The following NIPAL1 variants were observed in gnomAD, a reference collection of about 807,000 sequenced individuals.
NIPAL1 encodes NIPA like domain containing 1, also known as magnesium transporter NIPA3.
NIPAL1 carries 35 observed loss-of-function variants against 37.7 expected under a neutral mutation model. That is an observed-to-expected ratio of 0.93 (90% CI 0.71 to 1.23). The LOEUF (loss-of-function observed/expected upper bound fraction) is 1.23, where lower values mean the gene tolerates loss of function less well. Ranked by LOEUF, NIPAL1 falls within the 50% of genes most tolerant of loss-of-function variation. The pLI, the probability that NIPAL1 is intolerant of heterozygous loss-of-function variation, is 0.00. For missense variants in NIPAL1, 412 were observed against 473.9 expected (o/e 0.87, Z 1.21); for synonymous variants, 162 against 183.0 (o/e 0.89, Z 0.93).
At chr4:48,024,998 T>G in intron 1 of NIPAL1, 70 bp from the exon 2 acceptor site, 1 of 1,390,602 alleles carries the variant, frequency 7.2e-7, no homozygotes, top group Non-Finnish European at 1.0e-6. Flanking sequence ...CTCTGTTTCC[T>G]GCAGAAAGCC....
chr4:48,019,959 C>T (rs1715535261), intron 1 of NIPAL1, among the ~76,000 whole-genome samples: 1 of 152,188 alleles, frequency 6.6e-6, no homozygotes, highest in Non-Finnish European at 1.5e-5. Flanking sequence ...TTGTTTAATC[C>T]TGTTTTAAAA....
intron 2 of NIPAL1, among the ~76,000 whole-genome samples, chr4:48,026,346 A>G (rs1715686257): frequency 6.6e-6 from 1 of 152,202 alleles, no homozygotes; most frequent in South Asian, 2.1e-4. Flanking sequence ...ATAAGATCTA[A>G]GCTTTTTTCT....
intron 1 of NIPAL1, among the ~76,000 whole-genome samples, chr4:48,021,620 A>G (rs901939701): frequency 6.6e-6 from 1 of 152,174 alleles, no homozygotes; most frequent in African/African-American, 2.4e-5. Flanking sequence ...TGTGATAGTT[A>G]TACAGTGGAA....
intron 3 of NIPAL1, 114 bp downstream of exon 3, chr4:48,030,290 A>C: frequency 1.5e-6 from 1 of 655,220 alleles, no homozygotes; most frequent in Non-Finnish European, 2.7e-6. Context: ...ATGGAATTTA[A>C]GTCTAAACAT....
Position 48,033,075 on chromosome 4 carries a change from T to C in NIPAL1, c.453T>C (p.Val151=), listed in dbSNP as rs1715857149. ...TCACCCCTCTGGGTGCTTTGAGTGTTCTCATAAGGTATGTGAGCAACAGGG... is the reference window on the plus strand; with the variant it reads ...TCACCCCTCTGGGTGCTTTGAGTGTCCTCATAAGGTATGTGAGCAACAGGG... The part of the protein sequence containing the change: ...TLVTPLGALS[V]LISAILSSYF... The change falls in exon 4 of 6, where the codon GTT becomes GTC. Residue 151 remains valine (V), a synonymous_variant. Coordinates refer to ENST00000295461, the MANE Select transcript of NIPAL1 (RefSeq NM_207330.3). 1 of 1,609,760 alleles carries C rather than the reference T, an allele frequency of 6.2e-7. No individual in the cohort carries two copies. Among genetic ancestry groups the C allele is most frequent in the Non-Finnish European group, 8.5e-7 (1 of 1,176,170 alleles).
chr4:48,018,305 G>T (rs574164113), intron 1 of NIPAL1, among the ~76,000 whole-genome samples: 41 of 152,282 alleles, frequency 2.7e-4, no homozygotes, highest in Non-Finnish European at 5.0e-4. Flanking sequence ...GAAGGTATAT[G>T]AATTACACCC....
chr4:48,017,507 C>T (rs1047762886), intron 1 of NIPAL1, among the ~76,000 whole-genome samples: 5 of 152,168 alleles, frequency 3.3e-5, no homozygotes, highest in Non-Finnish European at 5.9e-5. Flanking sequence ...CTGCTTAAGG[C>T]GAGAGCCGTA....
chr4:48,030,127 T>C lies in NIPAL1; in HGVS notation c.321T>C (p.Gly107=). The part of the protein sequence containing the change: ...ASKGFTRAGQ[G]GHSYLKEWLW... ...TTACTTTTTGTATTTTAGGACAAGG[T>C]GGACATTCTTACCTGAAGGAATGGC... The change falls in exon 3 of 6, where the codon GGT becomes GGC. Residue 107 remains glycine, a synonymous_variant. Transcript: ENST00000295461. The C allele has an allele frequency of 6.2e-7, 1 of 1,601,720 alleles. No homozygotes were observed. The highest frequency in any genetic ancestry group is 8.6e-7 in the Non-Finnish European group (1 of 1,169,178).
rs765468005 is a variant in NIPAL1, at chr4:48,036,112, G to A, written c.1173G>A (p.Leu391=). 2 of 1,610,570 alleles carry A rather than the reference G, an allele frequency of 1.2e-6. No homozygotes were observed. The highest frequency in any genetic ancestry group is 1.7e-6 in the Non-Finnish European group (2 of 1,179,048). Residue 391 remains leucine, a synonymous_variant, in exon 6 of 6, where the codon TTG becomes TTA. Transcript: ENST00000295461. ...NENNYVLLEN[L]ECSAPGYNDD... is the part of the protein sequence containing the mutation. ...ACAATTATGTTTTACTAGAGAACTT[G>A]GAGTGTTCAGCCCCAGGATACAATG...
chr4:48,018,571 A>G (rs945895327), intron 1 of NIPAL1, among the ~76,000 whole-genome samples: 24 of 152,220 alleles, frequency 1.6e-4, no homozygotes, highest in Admixed American at 1.4e-3. Flanking sequence ...TCATCCCTCC[A>G]GTTTACAGTT....
chr4:48,030,331 A>G (rs1715793402), intron 3 of NIPAL1, among the ~76,000 whole-genome samples, 155 bp downstream of exon 3: 1 of 152,022 alleles, frequency 6.6e-6, no homozygotes, highest in African/African-American at 2.4e-5. Flanking sequence ...TGTCCTATAT[A>G]TACTATTATA....
chr4:48,029,859 A>G (rs1715782253), intron 2 of NIPAL1, among the ~76,000 whole-genome samples: 1 of 151,072 alleles, frequency 6.6e-6, no homozygotes. Context: ...GGTTCGTGAG[A>G]GCATTATATT....
chr4:48,033,242 G>C (rs1389897589), intron 4 of NIPAL1, among the ~76,000 whole-genome samples, 159 bp downstream of exon 4: 3 of 152,194 alleles, frequency 2.0e-5, no homozygotes, highest in African/African-American at 2.4e-5. Flanking sequence ...TATTTCTGAG[G>C]CTCCTGGGAA....
At chr4:48,017,312 C>T (rs1426488420) in intron 1 of NIPAL1, among the ~76,000 whole-genome samples, 1 of 152,176 alleles carries the variant, frequency 6.6e-6, no homozygotes, top group Non-Finnish European at 1.5e-5. Context: ...CTGGGGGGCC[C>T]GTGGGAGTTC....
chr4:48,025,052 C>A lies in NIPAL1; in HGVS notation c.47-16C>A. The A allele has an allele frequency of 3.1e-6, 5 of 1,609,902 alleles. No homozygotes were observed. Among genetic ancestry groups the A allele is most frequent in the Non-Finnish European group, 3.4e-6 (4 of 1,177,178 alleles). The stretch of plus-strand genomic sequence containing the variant: ...TCCCTTTCATTCCTGACATTCTCTT[C>A]TTTCCTTTTTTCCAGGATATGTGCT... On this transcript the variant is annotated splice_polypyrimidine_tract_variant and intron_variant, in intron 1 of 5. Coordinates refer to ENST00000295461, the MANE Select transcript of NIPAL1 (RefSeq NM_207330.3).
intron 1 of NIPAL1, among the ~76,000 whole-genome samples, chr4:48,024,234 C>T (rs1043707301): frequency 7.9e-5 from 12 of 152,080 alleles, no homozygotes; most frequent in African/African-American, 2.9e-4. Context: ...CCGCCTTGGC[C>T]ACCCAAAGTG....
intron 2 of NIPAL1, among the ~76,000 whole-genome samples, chr4:48,029,020 G>T (rs1189067500): frequency 6.6e-6 from 1 of 152,118 alleles, no homozygotes; most frequent in East Asian, 1.9e-4. Flanking sequence ...ATCTCTCAGA[G>T]AACTAAAAAT....
chr4:48,026,723 T>A (rs2352414), intron 2 of NIPAL1, among the ~76,000 whole-genome samples: 102,717 of 142,422 alleles, frequency 0.72, 35,681 homozygotes, highest in Non-Finnish European at 0.77. Flanking sequence ...AAATAAAATT[T>A]TTTTTTTTTT....
chr4:48,022,936 C>T (rs146846022), intron 1 of NIPAL1, among the ~76,000 whole-genome samples: 87 of 152,120 alleles, frequency 5.7e-4, no homozygotes, highest in African/African-American at 2.0e-3. Flanking sequence ...TGCAGTGAGC[C>T]GTGATGACAC....
Sources: allele counts gnomAD v4.1 joint callset (sites outside exome capture counted in the v4.1 genomes callset), GRCh38; gene constraint gnomAD v4.1.1; transcripts MANE v1.5; gene names NCBI Gene and HGNC (gene_info 2026-07-23, HGNC 2026-07-21).